Variants in FSTL5 observed in about 807,000 individuals in gnomAD.
The protein encoded by FSTL5 is follistatin like 5.
In FSTL5, 62 loss-of-function variants were observed where a neutral mutation model predicts 89.1. That is an observed-to-expected ratio of 0.70 (90% CI 0.57 to 0.86). The LOEUF is 0.86. FSTL5 is among the 40% of genes least tolerant of loss of function. The pLI is 0.00. For missense variants in FSTL5, 1,057 were observed against 1,001.6 expected (o/e 1.06, Z -0.75); for synonymous variants, 383 against 346.2 (o/e 1.11, Z -1.18).
intron 6 of FSTL5, among the ~76,000 whole-genome samples, chr4:161,677,761 T>A (rs939856087): frequency 1.3e-5 from 2 of 151,958 alleles, no homozygotes; most frequent in African/African-American, 4.8e-5. Flanking sequence ...AATATATTGT[T>A]ATTAACTACA....
chr4:162,026,059 A>C (rs533507751), intron 3 of FSTL5, among the ~76,000 whole-genome samples: 1 of 151,736 alleles, frequency 6.6e-6, no homozygotes, highest in Admixed American at 6.6e-5. Context: ...AAAAAAAAAA[A>C]CGGAAATGTG....
intron 13 of FSTL5, among the ~76,000 whole-genome samples, chr4:161,469,507 A>G (rs2126430651): frequency 6.6e-6 from 1 of 152,276 alleles, no homozygotes; most frequent in South Asian, 2.1e-4. Context: ...GTATGAGGTG[A>G]CATCTCATTG....
At chr4:161,592,018 A>G (rs148278098) in intron 7 of FSTL5, among the ~76,000 whole-genome samples, 122 of 152,292 alleles carry the variant, frequency 8.0e-4, no homozygotes, top group African/African-American at 2.6e-3. Context: ...TAAAGACAGG[A>G]AAAGGGAACA....
chr4:161,732,079 G>A lies in FSTL5; in HGVS notation c.727+27332C>T, dbSNP rs554943239. ...CTGTGTCATGGGGCAGTTCTATACCGAACTTTGAGAAACTACCTGTTTTCC... is the reference window on the plus strand; with the variant it reads ...CTGTGTCATGGGGCAGTTCTATACCAAACTTTGAGAAACTACCTGTTTTCC... On this transcript the variant is annotated intron_variant, in intron 6 of 15. Coordinates refer to ENST00000306100, the MANE Select transcript of FSTL5 (RefSeq NM_020116.5). Among the ~76,000 whole-genome samples, 851 of 92,550 alleles carry A rather than the reference G, an allele frequency of 9.2e-3. 10 individuals are homozygous for A. Among genetic ancestry groups the A allele is most frequent in the South Asian group, 0.053 (150 of 2,822 alleles). 60.7% of individuals were successfully genotyped at this position (92,550 alleles called of 152,430 possible).
chr4:162,060,732 C>T (rs1233592353), intron 2 of FSTL5, among the ~76,000 whole-genome samples: 2 of 151,540 alleles, frequency 1.3e-5, no homozygotes, highest in Admixed American at 6.6e-5. Flanking sequence ...GATACTCTAC[C>T]AAGTGATATA....
At chr4:161,973,074 C>CCCAATTTTTCT (rs1156462662) in intron 3 of FSTL5, among the ~76,000 whole-genome samples, 1 of 152,138 alleles carries the variant, frequency 6.6e-6, no homozygotes, top group Non-Finnish European at 1.5e-5. Context: ...TCTCCAGTCT[C>CCCAATTTTTCT]CCATCATTCT....
intron 4 of FSTL5, among the ~76,000 whole-genome samples, chr4:161,779,823 A>ATATATATG (rs1579086945): frequency 3.7e-5 from 4 of 106,758 alleles, no homozygotes; most frequent in East Asian, 5.5e-4. Context: ...ATATATATAT[A>ATATATATG]TATATATATA....
chr4:161,467,510 T>C (rs1406913867), intron 13 of FSTL5, among the ~76,000 whole-genome samples: 1 of 152,154 alleles, frequency 6.6e-6, no homozygotes, highest in Non-Finnish European at 1.5e-5. Context: ...ACTAGGATGA[T>C]CAATTTATAA....
At chr4:161,932,453 A>G (rs1200555181) in intron 3 of FSTL5, among the ~76,000 whole-genome samples, 4 of 151,762 alleles carry the variant, frequency 2.6e-5, no homozygotes, top group Admixed American at 2.6e-4. Context: ...GCATATACAT[A>G]AGTTAATGGT....
At chr4:161,776,700 T>C (rs1022696969) in intron 4 of FSTL5, among the ~76,000 whole-genome samples, 2 of 151,644 alleles carry the variant, frequency 1.3e-5, no homozygotes, top group Admixed American at 6.6e-5. Flanking sequence ...TTTTAGTTGT[T>C]ACAAATAAAT....
At chr4:161,993,971 T>G (rs913858206) in intron 3 of FSTL5, among the ~76,000 whole-genome samples, 6 of 152,144 alleles carry the variant, frequency 3.9e-5, no homozygotes, top group African/African-American at 1.4e-4. Flanking sequence ...TGGGGGTTTG[T>G]TGTACAGATT....
chr4:161,673,294 T>G (rs564535818), intron 6 of FSTL5, among the ~76,000 whole-genome samples: 9 of 152,198 alleles, frequency 5.9e-5, no homozygotes, highest in Admixed American at 3.9e-4. Flanking sequence ...CGACATTTTG[T>G]GGCATTTTTT....
At chr4:162,074,787 C>T (rs1410700053) in intron 2 of FSTL5, among the ~76,000 whole-genome samples, 1 of 151,672 alleles carries the variant, frequency 6.6e-6, no homozygotes, top group African/African-American at 2.4e-5. Flanking sequence ...AGGTTATATA[C>T]TGATAAATAT....
intron 7 of FSTL5, among the ~76,000 whole-genome samples, chr4:161,590,979 A>G (rs746714789): frequency 6.6e-6 from 1 of 152,230 alleles, no homozygotes; most frequent in Non-Finnish European, 1.5e-5. Context: ...GCAAATGTGC[A>G]TAGCTATATT....
intron 3 of FSTL5, among the ~76,000 whole-genome samples, chr4:161,925,560 T>C (rs749270358): frequency 6.6e-6 from 1 of 151,850 alleles, no homozygotes; most frequent in African/African-American, 2.4e-5. Flanking sequence ...AACTGTTACT[T>C]CCATGAATAT....
At chr4:161,756,262 A>G (rs1053310970) in intron 6 of FSTL5, among the ~76,000 whole-genome samples, 2 of 152,082 alleles carry the variant, frequency 1.3e-5, no homozygotes, top group African/African-American at 4.8e-5. Flanking sequence ...AAAAAGAAAA[A>G]ATTATCTCAT....
intron 4 of FSTL5, among the ~76,000 whole-genome samples, chr4:161,895,302 C>T (rs1338440372): frequency 6.6e-6 from 1 of 152,108 alleles, no homozygotes; most frequent in Non-Finnish European, 1.5e-5. Context: ...GTTCTTTCTA[C>T]CTTACAGAAA....
In FSTL5 at chr4:162,069,760, A is replaced by G. The variant is rs1166879131; in HGVS notation, c.127-36102T>C. ...GTGGCTAACTAGTATTCCAATATGC[A>G]TATATGTCACATTTTCATTATCCAT... On this transcript the variant is annotated intron_variant, in intron 2 of 15. Transcript: ENST00000306100. Among the ~76,000 whole-genome samples the G allele has an allele frequency of 2.6e-5, 4 of 151,996 alleles. No individual in the cohort carries two copies. In the South Asian group the frequency reaches 6.2e-4, roughly 24 times the overall value.
At chr4:161,595,891 C>G (rs1470128084) in intron 7 of FSTL5, among the ~76,000 whole-genome samples, 1 of 151,022 alleles carries the variant, frequency 6.6e-6, no homozygotes, top group Non-Finnish European at 1.5e-5. Context: ...TTGTATGGTA[C>G]CAATATTATT....
Sources: allele counts gnomAD v4.1 joint callset (sites outside exome capture counted in the v4.1 genomes callset), GRCh38; gene constraint gnomAD v4.1.1; transcripts MANE v1.5; gene names NCBI Gene and HGNC (gene_info 2026-07-23, HGNC 2026-07-21).